The following SARNP variants were observed in gnomAD, a reference collection of about 807,000 sequenced individuals.
SARNP encodes SAP domain containing ribonucleoprotein.
Under a neutral mutation model 38.1 loss-of-function variants are expected in SARNP, and 5 were observed. The observed-to-expected ratio is 0.13, with a 90% CI of 0.07 to 0.28. The LOEUF (loss-of-function observed/expected upper bound fraction) is 0.28. SARNP is among the 10% of genes least tolerant of loss of function. The pLI, the probability that SARNP is intolerant of heterozygous loss-of-function variation, is 1.00. For synonymous variants in SARNP, 84 were observed against 80.6 expected (o/e 1.04, Z -0.23); for missense variants, 180 against 243.9 (o/e 0.74, Z 1.75).
intron 9 of SARNP, among the ~76,000 whole-genome samples, chr12:55,764,832 C>CAAAAA (rs1162009254): frequency 4.8e-5 from 3 of 62,028 alleles, no homozygotes; most frequent in African/African-American, 9.2e-5. Flanking sequence ...CTCTGTCTCA[C>CAAAAA]AAAAAAAAAA....
Position 55,774,558 on chromosome 12 carries a change from T to TAAAAAAAAAAAAA in SARNP, c.502-13919_502-13918insTTTTTTTTTTTTT, listed in dbSNP as rs1565673497. Among the ~76,000 whole-genome samples the TAAAAAAAAAAAAA allele has an allele frequency of 3.3e-3, 135 of 40,510 alleles. 16 individuals are homozygous for TAAAAAAAAAAAAA. Among genetic ancestry groups the TAAAAAAAAAAAAA allele is most frequent in the Middle Eastern group, 0.018 (1 of 56 alleles). 26.6% of individuals were successfully genotyped at this position (40,510 alleles called of 152,430 possible). A position where few individuals can be genotyped will look rare whatever the true frequency, so the allele number is the denominator to read the frequency against. ...CGACACGGTGAAACCCCGTCTCTAC[T>TAAAAAAAAAAAAA]GAAAAAAAAAAAAAAACAAACAAAA... On this transcript the variant is annotated intron_variant, in intron 9 of 10. Coordinates refer to ENST00000336133, the MANE Select transcript of SARNP (RefSeq NM_033082.4).
rs1592579710 is a variant in SARNP at position 55,803,801 on chromosome 12, A to G, written c.37-73T>C. On this transcript the variant is annotated intron_variant, in intron 1 of 10. Transcript: ENST00000336133. ...CAGTGAATAAAATGGTAGTTCCCAC[A>G]AGGAAAAGAAAAAAAGAAAATGAAG... is the stretch of plus-strand genomic sequence containing the variant. 4 of 969,516 alleles carry G rather than the reference A, an allele frequency of 4.1e-6. No individual in the cohort carries two copies. In the East Asian group the frequency reaches 9.8e-5, roughly 24 times the overall value. The allele number at this position is 969,516 out of a possible 1,614,324, so 60.1% of individuals were successfully genotyped here.
intron 1 of SARNP, among the ~76,000 whole-genome samples, chr12:55,809,565 G>A (rs1360213457): frequency 6.6e-6 from 1 of 151,730 alleles, no homozygotes; most frequent in Non-Finnish European, 1.5e-5. Context: ...GACCAGCCTG[G>A]GCAACACAGT....
At chr12:55,771,022 C>A (rs1156760427) in intron 9 of SARNP, among the ~76,000 whole-genome samples, 1 of 151,440 alleles carries the variant, frequency 6.6e-6, no homozygotes, top group East Asian at 1.9e-4. Flanking sequence ...ACTGCAACCT[C>A]TCCTTCCCGG....
intron 9 of SARNP, among the ~76,000 whole-genome samples, chr12:55,780,619 G>A (rs924373630): frequency 3.3e-5 from 5 of 151,976 alleles, no homozygotes; most frequent in Non-Finnish European, 5.9e-5. Flanking sequence ...GCAGTGATCC[G>A]AGATCACGCC....
intron 9 of SARNP, among the ~76,000 whole-genome samples, chr12:55,769,080 C>T (rs1878931133): frequency 6.6e-6 from 1 of 152,112 alleles, no homozygotes; most frequent in Admixed American, 6.6e-5. Flanking sequence ...ATTTCATAAA[C>T]CCTAATAATT....
chr12:55,788,566 G>A (rs931450376), intron 9 of SARNP, among the ~76,000 whole-genome samples: 2 of 152,210 alleles, frequency 1.3e-5, no homozygotes, highest in African/African-American at 4.8e-5. Context: ...GGAGGCAGAA[G>A]TGGGTGGATC....
intron 8 of SARNP, among the ~76,000 whole-genome samples, chr12:55,790,234 T>C (rs1592571217): frequency 6.6e-6 from 1 of 151,324 alleles, no homozygotes; most frequent in Non-Finnish European, 1.5e-5. Context: ...ATAGATTCTC[T>C]TGTGGTAATT....
chr12:55,777,059 G>A (rs757760719), intron 9 of SARNP, among the ~76,000 whole-genome samples: 2 of 152,162 alleles, frequency 1.3e-5, no homozygotes, highest in East Asian at 1.9e-4. Context: ...CACGTTAGAC[G>A]AAGGAATGCA....
chr12:55,798,154 A>G (rs1374059206), intron 4 of SARNP, among the ~76,000 whole-genome samples: 1 of 152,174 alleles, frequency 6.6e-6, no homozygotes, highest in Non-Finnish European at 1.5e-5. Context: ...CTTATGATGG[A>G]AAGATAACTA....
chr12:55,753,648 T>C (rs535665175), downstream of SARNP: 5 of 151,904 alleles, frequency 3.3e-5, no homozygotes, highest in African/African-American at 4.8e-5. Context: ...CGTGCGCCTG[T>C]AATCCCAGCT....
At chr12:55,816,600 CA>C (rs529116424) in intron 1 of SARNP, among the ~76,000 whole-genome samples, 1 of 150,966 alleles carries the variant, frequency 6.6e-6, no homozygotes, top group Non-Finnish European at 1.5e-5. Context: ...GCAACAAAAA[CA>C]AAAAAAAACT....
chr12:55,804,943 A>G (rs1275243360), intron 1 of SARNP, among the ~76,000 whole-genome samples: 1 of 152,240 alleles, frequency 6.6e-6, no homozygotes, highest in Non-Finnish European at 1.5e-5. Context: ...AGAACATTTC[A>G]TAATGAAAAG....
intron 9 of SARNP, among the ~76,000 whole-genome samples, chr12:55,764,113 T>A (rs1024594217): frequency 1.3e-5 from 2 of 152,204 alleles, no homozygotes; most frequent in African/African-American, 4.8e-5. Flanking sequence ...TACCTACAAT[T>A]TATAAGTAAC....
At chr12:55,763,209 T>A (rs2136177567) in intron 9 of SARNP, among the ~76,000 whole-genome samples, 1 of 152,078 alleles carries the variant, frequency 6.6e-6, no homozygotes, top group South Asian at 2.1e-4. Context: ...TTAATAATAA[T>A]AAATTAAAAT....
At chr12:55,784,739 A>G (rs80059226) in intron 9 of SARNP, among the ~76,000 whole-genome samples, 2,131 of 152,360 alleles carry the variant, frequency 0.014, 28 homozygotes, top group Non-Finnish European at 0.021. Context: ...GCTTTGTAAA[A>G]TAAGTTTTAC....
At chr12:55,791,610 G>A (rs1427929438) in intron 7 of SARNP, among the ~76,000 whole-genome samples, 1 of 152,140 alleles carries the variant, frequency 6.6e-6, no homozygotes, top group African/African-American at 2.4e-5. Context: ...CAGGAGAATT[G>A]CTTGAACCCA....
intron 2 of SARNP, among the ~76,000 whole-genome samples, chr12:55,803,255 G>A (rs745645031): frequency 6.6e-6 from 1 of 151,890 alleles, no homozygotes; most frequent in South Asian, 2.1e-4. Flanking sequence ...AGGCTGAGGC[G>A]GGTGGCTCAC....
chr12:55,778,152 T>C (rs1174873915), intron 9 of SARNP, among the ~76,000 whole-genome samples: 1 of 151,932 alleles, frequency 6.6e-6, no homozygotes, highest in Non-Finnish European at 1.5e-5. Context: ...TTTTTTTAAT[T>C]ATTATTATTT....
Sources: allele counts gnomAD v4.1 joint callset (sites outside exome capture counted in the v4.1 genomes callset), GRCh38; gene constraint gnomAD v4.1.1; transcripts MANE v1.5; gene names NCBI Gene and HGNC (gene_info 2026-07-23, HGNC 2026-07-21).